The following CST7 variants were observed in gnomAD, a reference collection of about 807,000 sequenced individuals.
CST7 encodes cystatin F.
A neutral mutation model predicts 13.1 loss-of-function variants in CST7; 15 were observed. The ratio of observed to expected loss-of-function variants is 1.14; its 90% CI spans 0.77 to 1.76. The LOEUF (loss-of-function observed/expected upper bound fraction) is 1.76. Among genes scored for constraint, CST7 ranks in the 40% most tolerant of loss-of-function variants. The pLI, the probability that CST7 is intolerant of heterozygous loss-of-function variation, is 0.00. For missense variants in CST7, 193 were observed against 178.8 expected (o/e 1.08, Z -0.45); for synonymous variants, 75 against 66.9 (o/e 1.12, Z -0.59).
rs112608968 is a variant in CST7 at position 24,951,157 on chromosome 20, G to A, written c.70+1582G>A. Among the ~76,000 whole-genome samples the A allele has an allele frequency of 6.1e-3, 923 of 152,262 alleles. 14 individuals are homozygous for A. Among genetic ancestry groups the A allele is most frequent in the African/African-American group, 0.022 (899 of 41,528 alleles). ...TCCCTCCATTCTCAGCAGACCTGCTGTCAGCCACCAAACCCCAGAGAGAAG... is the reference window on the plus strand; with the variant it reads ...TCCCTCCATTCTCAGCAGACCTGCTATCAGCCACCAAACCCCAGAGAGAAG... On this transcript the variant is annotated intron_variant, in intron 1 of 3. Coordinates refer to ENST00000480798, the MANE Select transcript of CST7 (RefSeq NM_003650.4).
Position 24,958,950 on chromosome 20 carries a change from T to C in CST7, c.266T>C (p.Met89Thr), listed in dbSNP as rs775155557. 2.5e-6 allele frequency: 4 copies of C among 1,613,914 alleles called. No individual in the cohort carries two copies. The highest frequency in any genetic ancestry group is 3.4e-6 in the Non-Finnish European group (4 of 1,179,850). ...LVQIVKGLKY[M>T]LEVEIGRTTC... Reference sequence around the variant, plus strand: ...CAGATAGTGAAAGGCCTGAAATATATGCTGGAGGTGGAAATTGGCAGAACT... The same window carrying C: ...CAGATAGTGAAAGGCCTGAAATATACGCTGGAGGTGGAAATTGGCAGAACT... Residue 89 changes from methionine (M) to threonine (T), a missense_variant, in exon 3 of 4, where the codon ATG (methionine) becomes ACG (threonine). Coordinates refer to ENST00000480798, the MANE Select transcript of CST7 (RefSeq NM_003650.4).
chr20:24,949,576 G>A lies in CST7; in HGVS notation c.70+1G>A. On this transcript the variant is annotated splice_donor_variant, in intron 1 of 3. Coordinates refer to ENST00000480798, the MANE Select transcript of CST7 (RefSeq NM_003650.4). LOFTEE classifies it high-confidence loss of function. ...AGCACCACTGGGGGCCCTTCCCCAG[G>A]TAAGTGGCGTTCTCCCCTGTCCGCT... is the stretch of plus-strand genomic sequence containing the variant. 1.2e-6 allele frequency: 2 copies of A among 1,614,026 alleles called. No individual in the cohort carries two copies. The highest frequency in any genetic ancestry group is 1.3e-5 in the African/African-American group (1 of 75,070).
chr20:24,957,170 A>C, intron 1 of CST7, 117 bp from the exon 2 acceptor site: 1 of 836,064 alleles, frequency 1.2e-6, no homozygotes. Context: ...AGGGGTGGGT[A>C]GGGCCAGGAC....
chr20:24,953,604 C>T (rs1395042855), intron 1 of CST7, among the ~76,000 whole-genome samples: 2 of 152,140 alleles, frequency 1.3e-5, no homozygotes, highest in African/African-American at 2.4e-5. Flanking sequence ...TATCATCAGG[C>T]CCTGCCCGCC....
At chr20:24,952,052 G>A (rs750278811) in intron 1 of CST7, among the ~76,000 whole-genome samples, 10 of 152,210 alleles carry the variant, frequency 6.6e-5, no homozygotes, top group Non-Finnish European at 1.3e-4. Context: ...GGGAGCACTG[G>A]GAGCTGCCGC....
At position 24,949,372 on chromosome 20, in the gene CST7, C is replaced by T; in HGVS notation, c.-134C>T. On this transcript the variant is annotated 5_prime_UTR_variant, in exon 1 of 4. Coordinates refer to ENST00000480798, the MANE Select transcript of CST7 (RefSeq NM_003650.4). ...TTGGCACGGGCACAGACCACTGCCC[C>T]CACCTGCCCTGCGCCATCTACCCAA... 1 of 1,574,832 alleles carries T rather than the reference C, an allele frequency of 6.3e-7. No homozygotes were observed. Among genetic ancestry groups the T allele is most frequent in the Non-Finnish European group, 8.6e-7 (1 of 1,158,912 alleles).
intron 1 of CST7, among the ~76,000 whole-genome samples, chr20:24,951,416 A>T (rs929363198): frequency 6.6e-6 from 1 of 151,994 alleles, no homozygotes; most frequent in African/African-American, 2.4e-5. Context: ...AGCCCCCAGC[A>T]CCCTGCCCAG....
chr20:24,949,413 G>T lies in CST7; in HGVS notation c.-93G>T, dbSNP rs970611969. The T allele has an allele frequency of 6.2e-7, 1 of 1,608,208 alleles. No individual in the cohort carries two copies. Among genetic ancestry groups the T allele is most frequent in the African/African-American group, 1.3e-5 (1 of 74,958 alleles). On this transcript the variant is annotated 5_prime_UTR_variant, in exon 1 of 4. Coordinates refer to ENST00000480798, the MANE Select transcript of CST7 (RefSeq NM_003650.4). ...ATCTACCCAAGAAGGCTCGGCACGG[G>T]CACCAACCACTGCCTCCAACTGCCC... is the stretch of plus-strand genomic sequence containing the variant.
intron 1 of CST7, among the ~76,000 whole-genome samples, chr20:24,955,551 G>A (rs1402629221): frequency 4.7e-5 from 7 of 149,882 alleles, no homozygotes; most frequent in Admixed American, 6.7e-5. Flanking sequence ...CCGGGTTCAC[G>A]CCATTCTCCT....
rs776193957 is a variant in CST7 at position 24,949,455 on chromosome 20, G to A, written c.-51G>A. On this transcript the variant is annotated 5_prime_UTR_variant, in exon 1 of 4. Transcript: ENST00000480798. The stretch of plus-strand genomic sequence containing the variant: ...CAACTGCCCCATGCTGCCTGAGAAG[G>A]CACTGCACGGCCACCCCCAACTGCC... 36 of 1,613,594 alleles carry A rather than the reference G, an allele frequency of 2.2e-5. 1 individual carries two copies. In the South Asian group the frequency reaches 3.8e-4, roughly 17 times the overall value.
At chr20:24,954,098 G>C (rs893519744) in intron 1 of CST7, among the ~76,000 whole-genome samples, 5 of 152,060 alleles carry the variant, frequency 3.3e-5, no homozygotes, top group Admixed American at 1.3e-4. Context: ...CCACCACTGT[G>C]GGCGGGGCCT....
chr20:24,949,341 GA>G lies in CST7; in HGVS notation c.-163del. 2 of 1,538,824 alleles carry G rather than the reference GA, an allele frequency of 1.3e-6. No individual in the cohort carries two copies. Among genetic ancestry groups the G allele is most frequent in the East Asian group, 4.5e-5 (2 of 44,002 alleles). On this transcript the variant is annotated 5_prime_UTR_variant, in exon 1 of 4. An upstream open reading frame in the 5' UTR loses its in-frame stop. Transcript: ENST00000480798. ...CCCGGCACTGGCCCGTGCTGCCTGA[GA>G]AGGATTGGCACGGGCACAGACCACT... is the stretch of plus-strand genomic sequence containing the variant.
intron 1 of CST7, among the ~76,000 whole-genome samples, chr20:24,954,538 A>T (rs1394670528): frequency 1.3e-5 from 2 of 152,206 alleles, no homozygotes; most frequent in Non-Finnish European, 2.9e-5. Context: ...AATTTCTCTA[A>T]ACAAATCATC....
intron 2 of CST7, among the ~76,000 whole-genome samples, chr20:24,957,864 G>C (rs949567455): frequency 1.3e-5 from 2 of 152,176 alleles, no homozygotes; most frequent in Non-Finnish European, 2.9e-5. Context: ...CTGCAGCCCA[G>C]AGGTGTCTTT....
intron 1 of CST7, among the ~76,000 whole-genome samples, chr20:24,956,726 G>T (rs1475654317): frequency 6.6e-6 from 1 of 151,990 alleles, no homozygotes; most frequent in East Asian, 2.0e-4. Context: ...AAAAGGTCTT[G>T]AGACGAGGAC....
chr20:24,949,671 G>A (rs1301491699), intron 1 of CST7, 96 bp downstream of exon 1: 3 of 1,504,466 alleles, frequency 2.0e-6, no homozygotes, highest in African/African-American at 2.8e-5. Context: ...TCCTAGCTTG[G>A]AGCCCCCACA....
chr20:24,954,222 C>T (rs1046368191), intron 1 of CST7, among the ~76,000 whole-genome samples: 6 of 152,236 alleles, frequency 3.9e-5, no homozygotes, highest in Admixed American at 1.3e-4. Flanking sequence ...GCCCCCCACC[C>T]TGCACTCCAA....
intron 1 of CST7, 142 bp from the exon 2 acceptor site, chr20:24,957,145 G>A (rs2087863255): frequency 3.7e-6 from 3 of 820,460 alleles, no homozygotes; most frequent in Non-Finnish European, 5.9e-6. Context: ...GGGTAGGTAA[G>A]AGGGGGAGCA....
Position 24,949,444 on chromosome 20 carries a change from TG to T in CST7, c.-61del. The T allele has an allele frequency of 6.2e-7, 1 of 1,613,350 alleles. No individual in the cohort carries two copies. Among genetic ancestry groups the T allele is most frequent in the Non-Finnish European group, 8.5e-7 (1 of 1,179,634 alleles). On this transcript the variant is annotated 5_prime_UTR_variant, in exon 1 of 4. It removes the in-frame stop codon of an upstream open reading frame in the 5' UTR. Coordinates refer to ENST00000480798, the MANE Select transcript of CST7 (RefSeq NM_003650.4). ...ACCACTGCCTCCAACTGCCCCATGC[TG>T]CCTGAGAAGGCACTGCACGGCCACC...
Sources: allele counts gnomAD v4.1 joint callset (sites outside exome capture counted in the v4.1 genomes callset), GRCh38; gene constraint gnomAD v4.1.1; transcripts MANE v1.5; gene names NCBI Gene and HGNC (gene_info 2026-07-23, HGNC 2026-07-21).